KANSL1: variants seen among roughly 807,000 people sequenced by gnomAD.
KANSL1 encodes the protein KAT8 regulatory NSL complex subunit 1.
Under a neutral mutation model 103.6 loss-of-function variants are expected in KANSL1, and 22 were observed. That is an observed-to-expected ratio of 0.21 (90% CI 0.15 to 0.30). The LOEUF (loss-of-function observed/expected upper bound fraction) is 0.30. Among genes scored for constraint, KANSL1 ranks in the 10% least tolerant of loss-of-function variants. The pLI is 1.00. For missense variants in KANSL1, 1,337 were observed against 1,399.8 expected (o/e 0.96, Z 0.72); for synonymous variants, 600 against 527.6 (o/e 1.14, Z -1.88).
intron 6 of KANSL1, among the ~76,000 whole-genome samples, chr17:46,055,190 G>A (rs982970234): frequency 2.0e-5 from 3 of 151,710 alleles, no homozygotes; most frequent in African/African-American, 7.3e-5. Context: ...AAGGCCAGGC[G>A]CGGTGGCTCA....
intron 2 of KANSL1, among the ~76,000 whole-genome samples, chr17:46,133,234 T>C (rs1597752338): frequency 6.6e-6 from 1 of 152,210 alleles, no homozygotes; most frequent in Non-Finnish European, 1.5e-5. Flanking sequence ...AAACCCTTAC[T>C]GAAACCAGGA....
At chr17:46,154,033 G>A (rs1184071266) in intron 2 of KANSL1, among the ~76,000 whole-genome samples, 3 of 152,168 alleles carry the variant, frequency 2.0e-5, no homozygotes, top group South Asian at 2.1e-4. Context: ...TTTTGAAATC[G>A]ACCTCACTCC....
chr17:46,217,607 G>T (rs1002186414), intron 1 of KANSL1, among the ~76,000 whole-genome samples: 5 of 152,194 alleles, frequency 3.3e-5, no homozygotes, highest in Admixed American at 3.3e-4. Context: ...CACACAGGGA[G>T]GCTGGGCGCC....
intron 2 of KANSL1, among the ~76,000 whole-genome samples, chr17:46,148,553 C>A (rs942327558): frequency 6.6e-6 from 1 of 151,974 alleles, no homozygotes; most frequent in African/African-American, 2.4e-5. Flanking sequence ...CAATTAAAAG[C>A]CTCTTCTAAC....
intron 2 of KANSL1, among the ~76,000 whole-genome samples, chr17:46,117,637 C>T (rs888985726): frequency 3.3e-5 from 5 of 151,974 alleles, no homozygotes; most frequent in African/African-American, 1.2e-4. Context: ...AATGAAAAGC[C>T]CAGGCTTTTA....
rs772660238 is a variant in KANSL1 at position 46,172,186 on chromosome 17, G to A, written c.-43C>T. On this transcript the variant is annotated 5_prime_UTR_variant, in exon 2 of 15. Coordinates refer to ENST00000432791, the MANE Select transcript of KANSL1 (RefSeq NM_015443.4). Reference sequence around the variant, plus strand: ...GAAGTCCAGCCTCTCCCGATGCCGAGGCCGAGGCCAGCTCCACGGCCCCTT... The same window carrying A: ...GAAGTCCAGCCTCTCCCGATGCCGAAGCCGAGGCCAGCTCCACGGCCCCTT... 15 of 1,571,242 alleles carry A rather than the reference G, an allele frequency of 9.5e-6. No individual in the cohort carries two copies. The highest frequency in any genetic ancestry group is 1.3e-5 in the Non-Finnish European group (15 of 1,163,222).
At chr17:46,050,740 A>C in intron 6 of KANSL1, 36 bp from the exon 7 acceptor site, 2 of 1,586,590 alleles carry the variant, frequency 1.3e-6, no homozygotes, top group Non-Finnish European at 8.6e-7. Flanking sequence ...ACAATTCAGC[A>C]TCTGATAAAA....
intron 1 of KANSL1, among the ~76,000 whole-genome samples, chr17:46,200,558 T>C (rs948876276): frequency 6.6e-6 from 1 of 152,030 alleles, no homozygotes. Flanking sequence ...CTGGCCAACG[T>C]GGTGAAACTC....
intron 2 of KANSL1, among the ~76,000 whole-genome samples, chr17:46,107,323 T>C (rs1409144567): frequency 6.6e-6 from 1 of 151,970 alleles, no homozygotes; most frequent in Non-Finnish European, 1.5e-5. Flanking sequence ...TCTCACTGTT[T>C]CTTTAACACA....
intron 2 of KANSL1, among the ~76,000 whole-genome samples, chr17:46,104,225 A>G: frequency 6.6e-6 from 1 of 152,252 alleles, no homozygotes; most frequent in Non-Finnish European, 1.5e-5. Context: ...ATTTTTCATC[A>G]AACATGGTAA....
intron 2 of KANSL1, among the ~76,000 whole-genome samples, chr17:46,167,729 T>C (rs1309645094): frequency 6.6e-6 from 1 of 152,244 alleles, no homozygotes; most frequent in African/African-American, 2.4e-5. Context: ...TAGTTTACTG[T>C]CAAGCATAAT....
chr17:46,197,258 T>G (rs1280659065), upstream of KANSL1, among the ~76,000 whole-genome samples: 1 of 152,254 alleles, frequency 6.6e-6, no homozygotes, highest in Non-Finnish European at 1.5e-5. Context: ...TTACCACCAT[T>G]CCTTGTTAAT....
chr17:46,097,628 C>T (rs1029743407), intron 2 of KANSL1, among the ~76,000 whole-genome samples: 4 of 152,210 alleles, frequency 2.6e-5, no homozygotes, highest in East Asian at 1.9e-4. Context: ...ACTGGGGATA[C>T]ATGGTGTCTA....
At chr17:46,186,541 T>C (rs2047044429) in intron 1 of KANSL1, among the ~76,000 whole-genome samples, 1 of 152,172 alleles carries the variant, frequency 6.6e-6, no homozygotes, top group Non-Finnish European at 1.5e-5. Flanking sequence ...AAATGTTAAG[T>C]CAATACTAAT....
intron 2 of KANSL1, among the ~76,000 whole-genome samples, chr17:46,096,311 C>CTTCTTTTTT (rs2042066339): frequency 1.3e-5 from 1 of 76,408 alleles, no homozygotes; most frequent in African/African-American, 5.6e-5. Flanking sequence ...GCTTTTTTTT[C>CTTCTTTTTT]TTTTTTTTTT....
intron 2 of KANSL1, among the ~76,000 whole-genome samples, chr17:46,136,338 C>G (rs996372425): frequency 6.6e-6 from 1 of 152,200 alleles, no homozygotes; most frequent in Non-Finnish European, 1.5e-5. Context: ...ATTTTCACCA[C>G]AAGGCTTGGA....
chr17:46,087,500 A>G (rs2079211025), intron 3 of KANSL1, among the ~76,000 whole-genome samples: 1 of 152,240 alleles, frequency 6.6e-6, no homozygotes, highest in South Asian at 2.1e-4. Context: ...TAGTGTGAAA[A>G]CACAGTAATA....
At position 46,210,495 on chromosome 17, in the gene KANSL1, A is replaced by T. The variant is rs371877218; in HGVS notation, c.-90+13176T>A. Among the ~76,000 whole-genome samples the T allele has an allele frequency of 1.4e-3, 97 of 68,454 alleles. 7 individuals carry two copies. The highest frequency in any genetic ancestry group is 5.8e-3 in the African/African-American group (71 of 12,168). 44.9% of individuals were successfully genotyped at this position (68,454 alleles called of 152,430 possible). The stretch of plus-strand genomic sequence containing the variant: ...CTCAAAAAAAAAAAAAAAAAAAAAA[A>T]AAAAAAAGACCTGAGTGGCCACAGG... On this transcript the variant is annotated intron_variant, in intron 1 of 14. Coordinates refer to the KANSL1 transcript ENST00000572904.
At chr17:46,128,634 G>A (rs2043692617) in intron 2 of KANSL1, among the ~76,000 whole-genome samples, 1 of 152,222 alleles carries the variant, frequency 6.6e-6, no homozygotes, top group African/African-American at 2.4e-5. Flanking sequence ...GCTGACAGGA[G>A]ATCTGGATTA....
Sources: gnomAD v4.1 joint callset for allele counts (sites outside exome capture counted in the v4.1 genomes callset) on GRCh38, gnomAD v4.1.1 for gene constraint, MANE v1.5 for transcripts, NCBI Gene and HGNC (gene_info 2026-07-23, HGNC 2026-07-21) for gene names.